Variants in GRID2 observed in about 807,000 individuals in gnomAD.
GRID2 encodes glutamate ionotropic receptor delta type subunit 2.
A neutral mutation model predicts 114.8 loss-of-function variants in GRID2; 33 were observed. That is an observed-to-expected ratio of 0.29 (90% CI 0.22 to 0.38). The LOEUF (loss-of-function observed/expected upper bound fraction) is 0.38. Among genes scored for constraint, GRID2 ranks in the 10% least tolerant of loss-of-function variants. The pLI, the probability that GRID2 is intolerant of heterozygous loss-of-function variation, is 1.00. For missense variants in GRID2, 1,184 were observed against 1,257.7 expected, an observed-to-expected ratio of 0.94 and a Z score of 0.89; for synonymous variants, 505 against 449.9, an observed-to-expected ratio of 1.12 and a Z score of -1.55.
intron 2 of GRID2, among the ~76,000 whole-genome samples, chr4:92,600,629 G>C (rs1418531099): frequency 6.6e-6 from 1 of 152,060 alleles, no homozygotes; most frequent in Non-Finnish European, 1.5e-5. Flanking sequence ...TTAAAGTCAG[G>C]CCCCTCTTCT....
chr4:92,929,355 CATTTT>C (rs1750057412), intron 2 of GRID2, among the ~76,000 whole-genome samples: 1 of 150,930 alleles, frequency 6.6e-6, no homozygotes, highest in Non-Finnish European at 1.5e-5. Flanking sequence ...CTTTTTTTCT[CATTTT>C]ATATAACACC....
chr4:93,702,166 T>G (rs1487926741), intron 14 of GRID2, among the ~76,000 whole-genome samples: 1 of 152,174 alleles, frequency 6.6e-6, no homozygotes, highest in African/African-American at 2.4e-5. Flanking sequence ...CCTAGATATA[T>G]TCTCAGTATA....
At chr4:93,668,439 A>G (rs1159821726) in intron 14 of GRID2, among the ~76,000 whole-genome samples, 1 of 151,832 alleles carries the variant, frequency 6.6e-6, no homozygotes, top group East Asian at 1.9e-4. Flanking sequence ...TCCCCTTTCA[A>G]CATTTCCATC....
rs189401592 is a variant in GRID2, at chr4:93,093,765, T to C, written c.529+8486T>C. On this transcript the variant is annotated intron_variant, in intron 3 of 15. Coordinates refer to ENST00000282020, the MANE Select transcript of GRID2 (RefSeq NM_001510.4). ...CCCTTCCCCAAGATTTCTCAGAATA[T>C]TGATACGTGCCTAGGGTGTTTAGTC... is the stretch of plus-strand genomic sequence containing the variant. Among the ~76,000 whole-genome samples, 475 of 152,102 alleles carry C rather than the reference T, an allele frequency of 3.1e-3. 2 individuals carry two copies. Among genetic ancestry groups the C allele is most frequent in the Non-Finnish European group, 5.3e-3 (358 of 67,982 alleles).
chr4:92,661,186 A>G (rs1391435464), intron 2 of GRID2, among the ~76,000 whole-genome samples: 2 of 150,970 alleles, frequency 1.3e-5, no homozygotes, highest in Non-Finnish European at 3.0e-5. Flanking sequence ...AATTTTCTTC[A>G]TGATGAAGTT....
intron 4 of GRID2, among the ~76,000 whole-genome samples, chr4:93,175,468 G>A (rs1178045024): frequency 1.3e-5 from 2 of 151,992 alleles, no homozygotes; most frequent in Admixed American, 1.3e-4. Flanking sequence ...ACCGCACACA[G>A]CATAATGCTT....
intron 13 of GRID2, among the ~76,000 whole-genome samples, chr4:93,612,278 G>A (rs1237353442): frequency 6.6e-6 from 1 of 150,456 alleles, no homozygotes; most frequent in African/African-American, 2.4e-5. Context: ...TTGCCAGTCT[G>A]TGTCTTTTAA....
In GRID2 at chr4:93,769,258, A is replaced by G; in HGVS notation, c.2409A>G (p.Lys803=). ...GTGACATGGACATCCTGAAGCACAA[A>G]TGGTGGCCTAAGAATGGCCAGTGTG... The part of the protein sequence containing the change: ...QNGDMDILKH[K]WWPKNGQCDL... Residue 803 remains lysine, a synonymous_variant, in exon 15 of 16, where the codon AAA becomes AAG. Coordinates refer to ENST00000282020, the MANE Select transcript of GRID2 (RefSeq NM_001510.4). The G allele has an allele frequency of 6.2e-7, 1 of 1,613,970 alleles. No homozygotes were observed. Among genetic ancestry groups the G allele is most frequent in the Non-Finnish European group, 8.5e-7 (1 of 1,179,824 alleles).
intron 4 of GRID2, among the ~76,000 whole-genome samples, chr4:93,138,915 G>A (rs780031660): frequency 3.3e-5 from 5 of 152,086 alleles, no homozygotes. Context: ...GGTCATCTCC[G>A]TACTCCTCAG....
chr4:92,568,027 T>A (rs1727419700), intron 1 of GRID2, among the ~76,000 whole-genome samples: 2 of 151,904 alleles, frequency 1.3e-5, no homozygotes, highest in South Asian at 4.1e-4. Context: ...CAGAAAGGGA[T>A]TGAAGGCAGA....
intron 2 of GRID2, among the ~76,000 whole-genome samples, chr4:92,868,073 TG>T (rs200656430): frequency 8.1e-6 from 1 of 123,422 alleles, no homozygotes; most frequent in Non-Finnish European, 1.8e-5. Flanking sequence ...TCTTTCTGTC[TG>T]TCTGTCTGTC....
chr4:92,383,924 A>C (rs1729739339), intron 1 of GRID2, among the ~76,000 whole-genome samples: 1 of 151,912 alleles, frequency 6.6e-6, no homozygotes, highest in Non-Finnish European at 1.5e-5. Context: ...TTTGCTCCCA[A>C]AGATAGTAAA....
intron 1 of GRID2, among the ~76,000 whole-genome samples, chr4:92,312,165 T>C (rs1241866504): frequency 6.6e-6 from 1 of 151,522 alleles, no homozygotes; most frequent in Non-Finnish European, 1.5e-5. Context: ...GCAATTGGAG[T>C]ATAGTTCAGT....
chr4:93,316,155 C>A (rs1336888123), intron 8 of GRID2, among the ~76,000 whole-genome samples: 1 of 151,264 alleles, frequency 6.6e-6, no homozygotes, highest in African/African-American at 2.4e-5. Flanking sequence ...GGAAAATAAT[C>A]TCAAAAAGGG....
intron 8 of GRID2, among the ~76,000 whole-genome samples, chr4:93,348,098 T>C (rs1327924813): frequency 1.3e-5 from 2 of 152,164 alleles, no homozygotes; most frequent in Non-Finnish European, 2.9e-5. Flanking sequence ...GGCACAAAGA[T>C]TTGCTAAGAA....
chr4:93,092,237 A>G (rs549258702), intron 3 of GRID2, among the ~76,000 whole-genome samples: 17 of 152,228 alleles, frequency 1.1e-4, no homozygotes, highest in Admixed American at 3.9e-4. Flanking sequence ...TTTTGCATAC[A>G]TTTGTCAGGC....
At chr4:93,697,630 A>G (rs1336412153) in intron 14 of GRID2, among the ~76,000 whole-genome samples, 3 of 152,034 alleles carry the variant, frequency 2.0e-5, no homozygotes, top group Non-Finnish European at 4.4e-5. Flanking sequence ...TTATTTCAAA[A>G]TGAAAGACAG....
At chr4:93,597,725 A>T (rs1560799282) in intron 13 of GRID2, among the ~76,000 whole-genome samples, 1 of 152,290 alleles carries the variant, frequency 6.6e-6, no homozygotes, top group East Asian at 1.9e-4. Context: ...GTTAGCTTGC[A>T]GGTTCAGCTG....
At chr4:93,686,391 C>T (rs1475611758) in intron 14 of GRID2, among the ~76,000 whole-genome samples, 3 of 151,944 alleles carry the variant, frequency 2.0e-5, no homozygotes, top group African/African-American at 7.2e-5. Flanking sequence ...TGCTTTCAGT[C>T]TCCTACCTCT....
Sources: allele counts gnomAD v4.1 joint callset (sites outside exome capture counted in the v4.1 genomes callset), GRCh38; gene constraint gnomAD v4.1.1; transcripts MANE v1.5; gene names NCBI Gene and HGNC (gene_info 2026-07-23, HGNC 2026-07-21).